Variants in C17orf113 observed in about 807,000 individuals in gnomAD.
C17orf113 encodes the protein chromosome 17 open reading frame 113, also known as uncharacterized protein C17orf113.
Under a neutral mutation model 11.6 loss-of-function variants are expected in C17orf113, and 5 were observed. That is an observed-to-expected ratio of 0.43 (90% CI 0.23 to 0.91). The LOEUF (loss-of-function observed/expected upper bound fraction) is 0.91, where lower values mean the gene tolerates loss of function less well. Ranked by LOEUF, C17orf113 falls within the 40% of genes least tolerant of loss-of-function variation. The pLI is 0.26. For synonymous variants in C17orf113, 327 were observed against 390.6 expected (o/e 0.84, Z 1.92); for missense variants, 714 against 841.3 (o/e 0.85, Z 1.87).
rs1161433453 is a variant in C17orf113, at chr17:42,038,913, C to G, written c.*792G>C. The G allele has an allele frequency of 6.6e-6, 1 of 152,260 alleles. No individual in the cohort carries two copies. The highest frequency in any genetic ancestry group is 1.5e-5 in the Non-Finnish European group (1 of 68,092). 9.4% of individuals were successfully genotyped at this position (152,260 alleles called of 1,614,324 possible). On this transcript the variant is annotated 3_prime_UTR_variant, in exon 3 of 3. Coordinates refer to ENST00000587304, the MANE Select transcript of C17orf113 (RefSeq NM_001358661.2). ...GAAACAAGCACGGTCATCTACTCCC[C>G]AGTCATAGCTGAAGAGAAGAGACAC...
At position 42,043,502 on chromosome 17, in the gene C17orf113, C is replaced by G; in HGVS notation, c.-126G>C. The G allele has an allele frequency of 1.4e-6, 1 of 736,338 alleles. No individual in the cohort carries two copies. Among genetic ancestry groups the G allele is most frequent in the East Asian group, 3.4e-5 (1 of 29,480 alleles). 45.6% of individuals were successfully genotyped at this position (736,338 alleles called of 1,614,324 possible). On this transcript the variant is annotated 5_prime_UTR_variant, in exon 2 of 3. Transcript: ENST00000587304. ...GGGAGGCAGGCTGGGGGCAGCCCGC[C>G]AGGCTAACAGGGCCCATCCATCTAA...
chr17:42,038,354 A>C lies in C17orf113; in HGVS notation c.*1351T>G. 4 of 376,850 alleles carry C rather than the reference A, an allele frequency of 1.1e-5. No individual in the cohort carries two copies. Among genetic ancestry groups the C allele is most frequent in the Non-Finnish European group, 1.4e-5 (3 of 209,068 alleles). The allele number at this position is 376,850 out of a possible 1,614,324, so 23.3% of individuals were successfully genotyped here. Reference sequence around the variant, plus strand: ...CCTCCCTCCAGATCCCCAGGATTTCATGGCCAGGGCTGACAGGAGGGAATG... The same window carrying C: ...CCTCCCTCCAGATCCCCAGGATTTCCTGGCCAGGGCTGACAGGAGGGAATG... On this transcript the variant is annotated 3_prime_UTR_variant, in exon 3 of 3. Coordinates refer to ENST00000587304, the MANE Select transcript of C17orf113 (RefSeq NM_001358661.2).
intron 1 of C17orf113, among the ~76,000 whole-genome samples, chr17:42,046,080 A>G (rs560477759): frequency 3.2e-4 from 48 of 152,308 alleles, no homozygotes; most frequent in African/African-American, 9.9e-4. Flanking sequence ...CCCTTCTGCC[A>G]TGCTGATCCC....
chr17:42,045,164 G>A (rs1312913492), intron 1 of C17orf113, among the ~76,000 whole-genome samples: 4 of 152,168 alleles, frequency 2.6e-5, no homozygotes, highest in Non-Finnish European at 4.4e-5. Context: ...TGATCCGTCC[G>A]CCTCGGCCTC....
intron 1 of C17orf113, among the ~76,000 whole-genome samples, chr17:42,044,482 G>C (rs529229733): frequency 1.2e-3 from 181 of 152,036 alleles, no homozygotes; most frequent in Non-Finnish European, 1.8e-3. Flanking sequence ...TTGGCATGGT[G>C]GCACATGCCT....
Position 42,043,304 on chromosome 17 carries a change from C to T in C17orf113, c.73G>A (p.Glu25Lys), listed in dbSNP as rs946382833. 43 of 1,232,134 alleles carry T rather than the reference C, an allele frequency of 3.5e-5. No homozygotes were observed. In the African/African-American group the frequency reaches 5.6e-4, roughly 16 times the overall value. The allele number at this position is 1,232,134 out of a possible 1,614,324, so 76.3% of individuals were successfully genotyped here. A position where few individuals can be genotyped will look rare whatever the true frequency, so the allele number is the denominator to read the frequency against. The change falls in exon 2 of 3, where the codon GAG becomes AAG. Residue 25 changes from glutamate to lysine, a missense_variant. Transcript: ENST00000587304. Reference sequence around the variant, plus strand: ...CAGGTAAACTCCTCTTTCCAGTGCTCGTTGAAGTAACGCTTACACTTCTTG... The same window carrying T: ...CAGGTAAACTCCTCTTTCCAGTGCTTGTTGAAGTAACGCTTACACTTCTTG... ...SNKKCKRYFN[E>K]HWKEEFTWLD...
Position 42,039,413 on chromosome 17 carries a change from A to C in C17orf113, c.*292T>G. Reference sequence around the variant, plus strand: ...AAACTTGCCCCGAGTCCAGAAGGGAAAAGGGTGAGCTACTCCTCATCTAAC... The same window carrying C: ...AAACTTGCCCCGAGTCCAGAAGGGACAAGGGTGAGCTACTCCTCATCTAAC... On this transcript the variant is annotated 3_prime_UTR_variant, in exon 3 of 3. Transcript: ENST00000587304. 2 of 307,780 alleles carry C rather than the reference A, an allele frequency of 6.5e-6. No homozygotes were observed. Among genetic ancestry groups the C allele is most frequent in the East Asian group, 5.2e-5 (1 of 19,088 alleles). The allele number at this position is 307,780 out of a possible 1,614,324, so 19.1% of individuals were successfully genotyped here.
intron 1 of C17orf113, among the ~76,000 whole-genome samples, chr17:42,044,918 C>CTTTT (rs71157603): frequency 7.5e-6 from 1 of 132,608 alleles, no homozygotes; most frequent in Non-Finnish European, 1.6e-5. Context: ...CCAACTCTAC[C>CTTTT]TTTTTTTTTT....
chr17:42,041,901 C>T (rs1224149086), intron 2 of C17orf113, among the ~76,000 whole-genome samples: 7 of 152,258 alleles, frequency 4.6e-5, no homozygotes, highest in South Asian at 2.1e-4. Context: ...GAGGGAACAC[C>T]CTGCTCTCCA....
rs374074868 is a variant in C17orf113, at chr17:42,038,232, T to G, written c.*1473A>C. 2.4e-5 allele frequency: 14 copies of G among 582,838 alleles called. No homozygotes were observed. Among genetic ancestry groups the G allele is most frequent in the South Asian group, 1.2e-4 (5 of 42,726 alleles). 36.1% of individuals were successfully genotyped at this position (582,838 alleles called of 1,614,324 possible). On this transcript the variant is annotated 3_prime_UTR_variant, in exon 3 of 3. Transcript: ENST00000587304. Reference sequence around the variant, plus strand: ...CACACACACCACCATGGAGACTGCATGATGTGCTGGGATTCCATTTTATTG... The same window carrying G: ...CACACACACCACCATGGAGACTGCAGGATGTGCTGGGATTCCATTTTATTG...
chr17:42,042,758 A>C, intron 2 of C17orf113, 76 bp downstream of exon 2: 1 of 1,113,108 alleles, frequency 9.0e-7, no homozygotes. Context: ...AGGAGCTGGC[A>C]TGCTGGGGCT....
At chr17:42,045,632 T>A (rs112718381) in intron 1 of C17orf113, among the ~76,000 whole-genome samples, 222 of 152,314 alleles carry the variant, frequency 1.5e-3, no homozygotes, top group African/African-American at 5.1e-3. Context: ...GAGACCCTGG[T>A]CTGTACTGTC....
intron 1 of C17orf113, among the ~76,000 whole-genome samples, chr17:42,046,140 G>T (rs1278259596): frequency 6.6e-6 from 1 of 152,134 alleles, no homozygotes; most frequent in African/African-American, 2.4e-5. Context: ...CTCCCTATGC[G>T]TGAGTCTTCA....
In C17orf113 at chr17:42,040,443, A is replaced by G; in HGVS notation, c.1290T>C (p.Pro430=). The part of the protein sequence containing the change: ...AEEPDLALLQ[P]LVMAAAASLQ... ...GGGAGGCCGCAGCCGCCATCACCAG[A>G]GGCTGCAGCAAGGCCAAGTCCGGCT... Residue 430 remains proline (P), a synonymous_variant, in exon 3 of 3, where the codon CCT becomes CCC. Transcript: ENST00000587304. 8.1e-7 allele frequency: 1 copy of G among 1,232,106 alleles called. No homozygotes were observed. The highest frequency in any genetic ancestry group is 1.0e-6 in the Non-Finnish European group (1 of 987,954). The allele number at this position is 1,232,106 out of a possible 1,614,324, so 76.3% of individuals were successfully genotyped here. A position where few individuals can be genotyped will look rare whatever the true frequency, so the allele number is the denominator to read the frequency against.
chr17:42,044,246 T>G (rs1214608386), intron 1 of C17orf113, among the ~76,000 whole-genome samples: 1 of 140,164 alleles, frequency 7.1e-6, no homozygotes, highest in Non-Finnish European at 1.5e-5. Context: ...AGGCAAAGGT[T>G]GCAGTGAGCC....
At chr17:42,045,152 T>C (rs1476156548) in intron 1 of C17orf113, among the ~76,000 whole-genome samples, 1 of 152,122 alleles carries the variant, frequency 6.6e-6, no homozygotes, top group South Asian at 2.1e-4. Context: ...CTCCTGACCT[T>C]GTGATCCGTC....
rs1427169424 is a variant in C17orf113 at position 42,040,076 on chromosome 17, C to T, written c.1657G>A (p.Val553Met). ...VLLRGFAPAV[V>M]RQRALGDFAL... ...AAGTCGCCCAGCGCCCGCTGGCGCA[C>T]CACGGCAGGAGCAAAGCCGCGCAGC... The change falls in exon 3 of 3, where the codon GTG becomes ATG. Residue 553 changes from valine (V) to methionine (M), a missense_variant. By Grantham distance (21) the Val-to-Met change is conservative. Transcript: ENST00000587304. 6.5e-6 allele frequency: 8 copies of T among 1,231,140 alleles called. No individual in the cohort carries two copies. In the Admixed American group the frequency reaches 2.1e-4, roughly 32 times the overall value. 76.3% of individuals were successfully genotyped at this position (1,231,140 alleles called of 1,614,324 possible). A position where few individuals can be genotyped will look rare whatever the true frequency, so the allele number is the denominator to read the frequency against.
chr17:42,048,665 T>G (rs1362941286), intron 1 of C17orf113, among the ~76,000 whole-genome samples: 1 of 152,174 alleles, frequency 6.6e-6, no homozygotes, highest in Non-Finnish European at 1.5e-5. Flanking sequence ...CCCTGTTCTC[T>G]TCTACATCCA....
At chr17:42,042,303 C>T (rs1555656205) in intron 2 of C17orf113, among the ~76,000 whole-genome samples, 1 of 152,166 alleles carries the variant, frequency 6.6e-6, no homozygotes, top group African/African-American at 2.4e-5. Flanking sequence ...AGGCAGATCA[C>T]CTGAGGTCAG....
Sources: gnomAD v4.1 joint callset for allele counts (sites outside exome capture counted in the v4.1 genomes callset) on GRCh38, gnomAD v4.1.1 for gene constraint, MANE v1.5 for transcripts, NCBI Gene and HGNC (gene_info 2026-07-23, HGNC 2026-07-21) for gene names.